GAS7: variants seen among roughly 807,000 people sequenced by gnomAD.
The protein encoded by GAS7 is growth arrest-specific protein 7.
A neutral mutation model predicts 71.1 loss-of-function variants in GAS7; 28 were observed. The ratio of observed to expected loss-of-function variants is 0.39; its 90% confidence interval spans 0.29 to 0.54. The LOEUF (loss-of-function observed/expected upper bound fraction) is 0.54. Ranked by LOEUF, GAS7 falls within the 20% of genes least tolerant of loss-of-function variation. The probability of loss-of-function intolerance (pLI) is 0.62; values close to 1 mark genes in which losing one functional copy is unlikely to be tolerated. For missense variants in GAS7, 436 were observed against 627.8 expected, an observed-to-expected ratio of 0.69 and a Z score of 3.27; for synonymous variants, 258 against 245.8, an observed-to-expected ratio of 1.05 and a Z score of -0.46.
intron 1 of GAS7, among the ~76,000 whole-genome samples, chr17:10,096,470 TGTGGTA>T (rs1186140008): frequency 6.6e-6 from 1 of 152,174 alleles, no homozygotes; most frequent in African/African-American, 2.4e-5. Flanking sequence ...GCTTCCATGT[TGTGGTA>T]AGCCAATGAG....
At chr17:9,985,015 G>C (rs929908701) in intron 2 of GAS7, among the ~76,000 whole-genome samples, 2 of 146,508 alleles carry the variant, frequency 1.4e-5, no homozygotes, top group African/African-American at 5.2e-5. Flanking sequence ...CCTCTCCTCC[G>C]AGTCTCCTGG....
intron 5 of GAS7, among the ~76,000 whole-genome samples, chr17:9,950,930 G>C (rs1021986367): frequency 1.3e-5 from 2 of 151,998 alleles, no homozygotes; most frequent in Non-Finnish European, 2.9e-5. Flanking sequence ...ACAAAGGCTA[G>C]ATGAAGATCA....
At chr17:10,042,156 G>T (rs544134776) in intron 1 of GAS7, among the ~76,000 whole-genome samples, 1 of 152,016 alleles carries the variant, frequency 6.6e-6, no homozygotes, top group Non-Finnish European at 1.5e-5. Flanking sequence ...TTAGCTGGGC[G>T]TGGTGGCACG....
In GAS7 at chr17:10,198,210, C is replaced by G. The variant is rs2074555246; in HGVS notation, c.181G>C (p.Glu61Gln). ...WFPASYVQLL[E>Q]KPGMVPPPPG... ...CAGCCCCGGCCCTCGCCCCTTACCTCCAGCAACTGCACGTAGCTCGCCGGG... is the reference window on the plus strand; with the variant it reads ...CAGCCCCGGCCCTCGCCCCTTACCTGCAGCAACTGCACGTAGCTCGCCGGG... Residue 61 changes from glutamate to glutamine, a missense_variant and splice_region_variant, in exon 1 of 14, where the codon GAG becomes CAG. Physicochemically the swap from Glu to Gln is conservative, Grantham distance 29. Transcript: ENST00000432992. 1.2e-6 allele frequency: 2 copies of G among 1,607,752 alleles called. No individual in the cohort carries two copies. Among genetic ancestry groups the G allele is most frequent in the Non-Finnish European group, 1.7e-6 (2 of 1,179,300 alleles).
intron 1 of GAS7, among the ~76,000 whole-genome samples, chr17:10,050,493 A>C (rs750750272): frequency 6.6e-6 from 1 of 151,900 alleles, no homozygotes; most frequent in Non-Finnish European, 1.5e-5. Flanking sequence ...CCCTCTGCCC[A>C]CCCTAAACCT....
chr17:10,028,727 TA>T (rs577606968), intron 1 of GAS7, among the ~76,000 whole-genome samples: 1 of 149,218 alleles, frequency 6.7e-6, no homozygotes, highest in African/African-American at 2.5e-5. Context: ...CAGGAAATGA[TA>T]AAAATTATAG....
intron 1 of GAS7, among the ~76,000 whole-genome samples, chr17:10,046,364 C>T (rs2072955309): frequency 6.8e-6 from 1 of 147,054 alleles, no homozygotes; most frequent in African/African-American, 2.6e-5. Flanking sequence ...ATCTTAAAAA[C>T]AAAATCCAAA....
intron 1 of GAS7, among the ~76,000 whole-genome samples, chr17:10,150,591 C>CTTTT (rs3051271): frequency 8.4e-6 from 1 of 118,956 alleles, no homozygotes. Flanking sequence ...TGTTACATTT[C>CTTTT]TTTTTTTTTT....
At chr17:9,983,072 G>A (rs1193464719) in intron 2 of GAS7, among the ~76,000 whole-genome samples, 3 of 151,934 alleles carry the variant, frequency 2.0e-5, no homozygotes, top group Admixed American at 2.0e-4. Flanking sequence ...CCACCATTCA[G>A]AGGTCATCAC....
intron 1 of GAS7, among the ~76,000 whole-genome samples, chr17:10,063,142 T>TC (rs1364799689): frequency 8.5e-5 from 13 of 152,240 alleles, no homozygotes; most frequent in African/African-American, 3.1e-4. Flanking sequence ...TCATGGGGTT[T>TC]CCCCTAGAGG....
intron 9 of GAS7, among the ~76,000 whole-genome samples, chr17:9,928,191 C>T (rs1399838875): frequency 6.6e-6 from 1 of 151,932 alleles, no homozygotes; most frequent in Non-Finnish European, 1.5e-5. Flanking sequence ...CGGCTCACTG[C>T]AAGCCTCGCC....
rs910132062 is a variant in GAS7 at position 9,926,389 on chromosome 17, G to A, written c.1014+252C>T. Among the ~76,000 whole-genome samples the A allele has an allele frequency of 1.3e-5, 2 of 152,150 alleles. No homozygotes were observed. The highest frequency in any genetic ancestry group is 4.8e-5 in the African/African-American group (2 of 41,442). ...GCCAACAGCCACTCGACTGCCCACT[G>A]CAGCTGCAGCCTCTCCTCGCACCCC... On this transcript the variant is annotated intron_variant, in intron 10 of 13. Transcript: ENST00000432992. The surrounding 1 kb of genome is among the most constrained non-coding windows in gnomAD (Gnocchi z 5.0).
In GAS7 at chr17:9,974,541, CATCT is replaced by C. The variant is rs1273378666; in HGVS notation, c.386-4783_386-4780del. On this transcript the variant is annotated intron_variant, in intron 3 of 13. Transcript: ENST00000432992. This position sits in a 1 kb window ranked among gnomAD's most constrained non-coding sequence, Gnocchi z 4.0. ...AAAAAAAAAAAGCAAATGTCACACT[CATCT>C]GTTTTTAAGATTTTTAAAAAGGGAA... 6.6e-6 allele frequency among the ~76,000 whole-genome samples: 1 copy of C among 152,008 alleles called. No homozygotes were observed. Among genetic ancestry groups the C allele is most frequent in the Non-Finnish European group, 1.5e-5 (1 of 68,000 alleles).
intron 4 of GAS7, among the ~76,000 whole-genome samples, chr17:9,966,145 C>T (rs1441119484): frequency 2.0e-5 from 3 of 151,882 alleles, no homozygotes; most frequent in Admixed American, 2.0e-4. Flanking sequence ...ACTACAGGTG[C>T]CCGCCACCAC....
chr17:10,040,134 A>G lies in GAS7; in HGVS notation c.184-20237T>C, dbSNP rs77891163. On this transcript the variant is annotated intron_variant, in intron 1 of 13. Transcript: ENST00000432992. ...GTCACTTAATCCCTCTAACAAACCA[A>G]AAAGGAAAATTCTATGATCGCCCTC... is the stretch of plus-strand genomic sequence containing the variant. 9.2e-3 allele frequency among the ~76,000 whole-genome samples: 1,400 copies of G among 152,252 alleles called. 22 individuals carry two copies. The highest frequency in any genetic ancestry group is 0.032 in the African/African-American group (1,311 of 41,552).
chr17:9,941,225 G>A, intron 7 of GAS7, among the ~76,000 whole-genome samples: 1 of 152,136 alleles, frequency 6.6e-6, no homozygotes, highest in African/African-American at 2.4e-5. Flanking sequence ...CTGGTCTCTA[G>A]GTCCTCCTGA....
In GAS7 at chr17:10,188,192, G is replaced by A. The variant is rs751188192; in HGVS notation, c.183+10016C>T. On this transcript the variant is annotated intron_variant, in intron 1 of 13. Coordinates refer to ENST00000432992, the MANE Select transcript of GAS7 (RefSeq NM_201433.2). ...CAGGAGACAGAGGCTGCAGTGAGCC[G>A]AGATCGCGCCACTGCACTCCAGCCT... Among the ~76,000 whole-genome samples the A allele has an allele frequency of 3.5e-4, 53 of 151,908 alleles. 1 individual carries two copies. The highest frequency in any genetic ancestry group is 1.3e-3 in the African/African-American group (52 of 41,410).
At chr17:10,185,395 T>C (rs2142147667) in intron 1 of GAS7, among the ~76,000 whole-genome samples, 1 of 152,218 alleles carries the variant, frequency 6.6e-6, no homozygotes, top group Admixed American at 6.5e-5. Flanking sequence ...TGCAGAAATA[T>C]GAATTCCACT....
chr17:10,005,318 C>CATAT (rs147127115), intron 2 of GAS7, among the ~76,000 whole-genome samples: 6 of 150,244 alleles, frequency 4.0e-5, no homozygotes, highest in African/African-American at 1.2e-4. Flanking sequence ...TATACACACA[C>CATAT]ATATATATAT....
Sources: gnomAD v4.1 joint callset for allele counts (sites outside exome capture counted in the v4.1 genomes callset) on GRCh38, gnomAD v4.1.1 for gene constraint, Gnocchi (gnomAD v3.1) non-coding constraint, MANE v1.5 for transcripts, NCBI Gene and HGNC (gene_info 2026-07-23, HGNC 2026-07-21) for gene names.